The following ZNF566 variants were observed in gnomAD, a reference collection of about 807,000 sequenced individuals.
ZNF566 encodes zinc finger protein 566.
Under a neutral mutation model 32.8 loss-of-function variants are expected in ZNF566, and 27 were observed. The ratio of observed to expected loss-of-function variants is 0.82; its 90% CI spans 0.61 to 1.14. The LOEUF (loss-of-function observed/expected upper bound fraction) is 1.14. Among genes scored for constraint, ZNF566 ranks in the 50% most tolerant of loss-of-function variants. ZNF566 has a pLI of 0.00. For missense variants in ZNF566, 402 were observed against 490.4 expected (o/e 0.82, Z 1.70); for synonymous variants, 154 against 159.5 (o/e 0.97, Z 0.26).
intron 4 of ZNF566, among the ~76,000 whole-genome samples, chr19:36,451,930 C>A (rs941662100): frequency 3.3e-5 from 5 of 151,932 alleles, no homozygotes; most frequent in Non-Finnish European, 4.4e-5. Context: ...TTGCTTGAAC[C>A]CAGGAGGTGG....
chr19:36,473,261 G>A, intron 3 of ZNF566, 71 bp downstream of exon 3: 1 of 1,560,708 alleles, frequency 6.4e-7, no homozygotes, highest in Non-Finnish European at 8.8e-7. Context: ...AAAGCCAGGT[G>A]AGCATTTCAC....
At position 36,489,527 on chromosome 19, in the gene ZNF566, T is replaced by C. The variant is rs11880447; in HGVS notation, c.-101A>G. 8.4e-3 allele frequency: 2,952 copies of C among 349,534 alleles called. 75 individuals carry two copies. The highest frequency in any genetic ancestry group is 0.056 in the African/African-American group (2,630 of 46,614). 21.7% of individuals were successfully genotyped at this position (349,534 alleles called of 1,614,324 possible). On this transcript the variant is annotated 5_prime_UTR_variant, in exon 1 of 5. Coordinates refer to ENST00000452939, the MANE Select transcript of ZNF566 (RefSeq NM_001145344.1). ...AGAACCCTCCCCGGCACTGGGGTAGTTGCTGGTAAAGCCCTGAGGGTCCCG... is the reference window on the plus strand; with the variant it reads ...AGAACCCTCCCCGGCACTGGGGTAGCTGCTGGTAAAGCCCTGAGGGTCCCG...
intron 4 of ZNF566, among the ~76,000 whole-genome samples, chr19:36,470,057 C>T (rs1454168292): frequency 6.6e-6 from 1 of 152,296 alleles, no homozygotes; most frequent in Middle Eastern, 3.4e-3. Context: ...GTTGTTCAAC[C>T]TACATTTCCT....
chr19:36,449,787 C>G lies in ZNF566; in HGVS notation c.447G>C (p.Leu149=), dbSNP rs558622169. The change falls in exon 5 of 5, where the codon CTG becomes CTC. Residue 149 remains leucine (L), a synonymous_variant. Transcript: ENST00000452939. ...FNQLVFTHED[L]PTLSHHPSFT... ...AGGATGGATGGTGACTCAAAGTGGG[C>G]AGATCTTCATGAGTGAATACCAATT... 3.5e-5 allele frequency: 57 copies of G among 1,614,122 alleles called. No homozygotes were observed. The East Asian group carries it at 1.2e-3, about 35-fold the overall frequency.
chr19:36,448,998 C>T lies in ZNF566; in HGVS notation c.1236G>A (p.Gln412=). The part of the protein sequence containing the change: ...KNFNYDPQLI[Q]HQNLYW ...TTCATCACCAGTACAAATTTTGATG[C>T]TGAATAAGTTGTGGGTCATAATTAA... Residue 412 remains glutamine, a synonymous_variant, in exon 5 of 5, where the codon CAG becomes CAA. Transcript: ENST00000452939. 1 of 1,585,640 alleles carries T rather than the reference C, an allele frequency of 6.3e-7. No individual in the cohort carries two copies. The highest frequency in any genetic ancestry group is 8.6e-7 in the Non-Finnish European group (1 of 1,168,848).
chr19:36,465,764 T>TGC (rs1321003852), intron 4 of ZNF566, among the ~76,000 whole-genome samples: 140 of 152,160 alleles, frequency 9.2e-4, no homozygotes, highest in African/African-American at 2.9e-3. Flanking sequence ...TTAGCCACCA[T>TGC]GCCCAGCTTA....
At chr19:36,452,779 G>T (rs2033189643) in intron 4 of ZNF566, among the ~76,000 whole-genome samples, 2 of 152,058 alleles carry the variant, frequency 1.3e-5, no homozygotes, top group South Asian at 4.1e-4. Context: ...AGAACACTCT[G>T]ATAATGTAAT....
chr19:36,447,598 T>G lies in ZNF566; in HGVS notation c.*1379A>C, dbSNP rs2033027222. 1 of 152,244 alleles carries G rather than the reference T, an allele frequency of 6.6e-6. No homozygotes were observed. The highest frequency in any genetic ancestry group is 1.5e-5 in the Non-Finnish European group (1 of 68,042). 9.4% of individuals were successfully genotyped at this position (152,244 alleles called of 1,614,324 possible). On this transcript the variant is annotated 3_prime_UTR_variant, in exon 5 of 5. Transcript: ENST00000452939. ...ACTATGTTTCTATCTCTGTCCATTT[T>G]TTAAATATGATGCTGTTTCTCTTTT...
chr19:36,452,715 C>T (rs2033188062), intron 4 of ZNF566, among the ~76,000 whole-genome samples: 1 of 151,808 alleles, frequency 6.6e-6, no homozygotes, highest in African/African-American at 2.4e-5. Context: ...GAAAAGGACA[C>T]TAACAATATA....
At position 36,464,445 on chromosome 19, in the gene ZNF566, C is replaced by T. The variant is rs1356638661; in HGVS notation, c.232+8466G>A. Among the ~76,000 whole-genome samples, 6 of 152,210 alleles carry T rather than the reference C, an allele frequency of 3.9e-5. No homozygotes were observed. The South Asian group carries it at 8.3e-4, about 21-fold the overall frequency. On this transcript the variant is annotated intron_variant, in intron 4 of 4. Coordinates refer to ENST00000452939, the MANE Select transcript of ZNF566 (RefSeq NM_001145344.1). ...GTGCTGGGATTATAGGCATGAGCTA[C>T]CACACCCAGCCAATTCGTTTTCTAT... is the stretch of plus-strand genomic sequence containing the variant.
At chr19:36,463,378 C>A (rs964400941) in intron 4 of ZNF566, among the ~76,000 whole-genome samples, 1 of 151,908 alleles carries the variant, frequency 6.6e-6, no homozygotes, top group Non-Finnish European at 1.5e-5. Context: ...ATCAAATGAA[C>A]TATAAGCCCT....
At chr19:36,481,865 G>A (rs1290463264) in intron 1 of ZNF566, among the ~76,000 whole-genome samples, 1 of 152,172 alleles carries the variant, frequency 6.6e-6, no homozygotes, top group African/African-American at 2.4e-5. Flanking sequence ...ACAGGCTGCA[G>A]TATTATGTAA....
intron 1 of ZNF566, among the ~76,000 whole-genome samples, chr19:36,478,142 C>T (rs1025759051): frequency 2.0e-5 from 3 of 151,742 alleles, no homozygotes; most frequent in Non-Finnish European, 2.9e-5. Context: ...CTTCCTCTAC[C>T]CATAGGCACT....
chr19:36,479,092 A>G (rs961869861), intron 1 of ZNF566, among the ~76,000 whole-genome samples: 1 of 152,206 alleles, frequency 6.6e-6, no homozygotes, highest in Non-Finnish European at 1.5e-5. Context: ...AGGCTAATGT[A>G]TGAGCTTGTA....
At chr19:36,460,689 A>G (rs2033439653) in intron 4 of ZNF566, among the ~76,000 whole-genome samples, 1 of 152,154 alleles carries the variant, frequency 6.6e-6, no homozygotes, top group Admixed American at 6.5e-5. Flanking sequence ...GAAAGATAAA[A>G]CAAGCAAAGC....
chr19:36,487,969 G>A (rs1014135533), intron 1 of ZNF566, among the ~76,000 whole-genome samples: 1 of 151,860 alleles, frequency 6.6e-6, no homozygotes, highest in Non-Finnish European at 1.5e-5. Context: ...TAGATTGTGT[G>A]GGGGAGAAAT....
chr19:36,464,239 C>CA (rs1169011934), intron 4 of ZNF566, among the ~76,000 whole-genome samples: 1 of 152,018 alleles, frequency 6.6e-6, no homozygotes, highest in Non-Finnish European at 1.5e-5. Flanking sequence ...AAGAAAGACC[C>CA]AATGCATATA....
In ZNF566 at chr19:36,475,931, T is replaced by C. The variant is rs57585124; in HGVS notation, c.9+618A>G. ...ATGAAACTGATAGGGGATTTTCTGA[T>C]GGACATTAATCTAAATTAAAACTTC... is the stretch of plus-strand genomic sequence containing the variant. On this transcript the variant is annotated intron_variant, in intron 2 of 4. Coordinates refer to ENST00000452939, the MANE Select transcript of ZNF566 (RefSeq NM_001145344.1). 9.2e-3 allele frequency among the ~76,000 whole-genome samples: 1,394 copies of C among 152,298 alleles called. 19 individuals are homozygous for C. Among genetic ancestry groups the C allele is most frequent in the African/African-American group, 0.032 (1,312 of 41,546 alleles).
intron 4 of ZNF566, among the ~76,000 whole-genome samples, chr19:36,464,345 C>T (rs569794502): frequency 1.1e-4 from 16 of 151,812 alleles, no homozygotes; most frequent in African/African-American, 2.4e-4. Context: ...TTTTAAGAGA[C>T]GGTGTTTCCC....
Sources: gnomAD v4.1 joint callset for allele counts (sites outside exome capture counted in the v4.1 genomes callset) on GRCh38, gnomAD v4.1.1 for gene constraint, MANE v1.5 for transcripts, NCBI Gene and HGNC (gene_info 2026-07-23, HGNC 2026-07-21) for gene names.